ANKRD45: variants seen among roughly 807,000 people sequenced by gnomAD.
The protein encoded by ANKRD45 is ankyrin repeat domain-containing protein 45.
ANKRD45 carries 21 observed loss-of-function variants against 28.1 expected under a neutral mutation model. That is an observed-to-expected ratio of 0.75 (90% CI 0.53 to 1.08). The LOEUF (loss-of-function observed/expected upper bound fraction) is 1.08. Among genes scored for constraint, ANKRD45 ranks in the 50% least tolerant of loss-of-function variants. The pLI is 0.00. For missense variants in ANKRD45, 261 were observed against 308.7 expected (o/e 0.85, Z 1.16); for synonymous variants, 86 against 103.9 (o/e 0.83, Z 1.05).
At chr1:173,706,442 A>G in the ANKRD45 span, among the ~76,000 whole-genome samples, 121 of 151,636 alleles carry the variant, frequency 8.0e-4, no homozygotes, top group African/African-American at 2.7e-3. Context: ...AGGTTCAAGC[A>G]ATTCTCCTGC....
chr1:173,689,327 C>A, the ANKRD45 span, among the ~76,000 whole-genome samples: 1 of 152,150 alleles, frequency 6.6e-6, no homozygotes, highest in African/African-American at 2.4e-5. Context: ...AGGGTTCGGA[C>A]CCTTTATAGT....
At chr1:173,647,455 A>C (rs962616628) in intron 2 of ANKRD45, among the ~76,000 whole-genome samples, 2 of 152,208 alleles carry the variant, frequency 1.3e-5, no homozygotes, top group Non-Finnish European at 2.9e-5. Context: ...AAATTACTAC[A>C]ACTGTGTATA....
intron 5 of ANKRD45, among the ~76,000 whole-genome samples, chr1:173,624,313 C>G (rs1165150401): frequency 6.6e-6 from 1 of 151,638 alleles, no homozygotes; most frequent in African/African-American, 2.4e-5. Flanking sequence ...AGAAACATAG[C>G]AAGACCCTAT....
In ANKRD45 at chr1:173,659,411, G is replaced by A. The variant is rs766470541; in HGVS notation, c.8C>T (p.Ser3Leu). 6.5e-7 allele frequency: 1 copy of A among 1,549,994 alleles called. No homozygotes were observed. The highest frequency in any genetic ancestry group is 8.7e-7 in the Non-Finnish European group (1 of 1,152,466). Residue 3 changes from serine to leucine, a missense_variant, in exon 2 of 6, where the codon TCA becomes TTA. Coordinates refer to ENST00000333279, the MANE Select transcript of ANKRD45 (RefSeq NM_198493.3). ...ACTCTCTGACTCTGGAGGTCCTTCT[G>A]ACTCCATTAACTCCAAAAATACCTA... is the stretch of plus-strand genomic sequence containing the variant. Reference protein sequence around the residue: MESEGPPESESSE... With the variant: MELEGPPESESSE...
the ANKRD45 span, among the ~76,000 whole-genome samples, chr1:173,690,062 G>GCCCCCCCCC: frequency 1.9e-5 from 1 of 52,798 alleles, no homozygotes; most frequent in Non-Finnish European, 4.1e-5. Context: ...CCTGCCCCCC[G>GCCCCCCCCC]CCCCCCCCCC....
intron 5 of ANKRD45, among the ~76,000 whole-genome samples, chr1:173,612,251 A>G (rs1015283435): frequency 6.7e-6 from 1 of 149,856 alleles, no homozygotes; most frequent in Non-Finnish European, 1.5e-5. Context: ...TCTTAAAATG[A>G]AAGAAAGAAA....
the ANKRD45 span, among the ~76,000 whole-genome samples, chr1:173,707,274 A>G: frequency 6.7e-6 from 1 of 149,874 alleles, no homozygotes; most frequent in South Asian, 2.1e-4. Flanking sequence ...AATTTTTTTT[A>G]TGCAGTCAAA....
the ANKRD45 span, among the ~76,000 whole-genome samples, chr1:173,706,672 C>T: frequency 3.9e-5 from 6 of 152,238 alleles, no homozygotes; most frequent in Admixed American, 3.9e-4. Flanking sequence ...GCATAGTCCT[C>T]ATTATGTAGA....
intron 5 of ANKRD45, among the ~76,000 whole-genome samples, 166 bp from the exon 6 acceptor site, chr1:173,610,381 C>T (rs1297132457): frequency 6.6e-6 from 1 of 152,200 alleles, no homozygotes; most frequent in Non-Finnish European, 1.5e-5. Flanking sequence ...ATAGTCTCTC[C>T]TGTTCACTAT....
At chr1:173,697,153 A>G in the ANKRD45 span, among the ~76,000 whole-genome samples, 11,138 of 152,240 alleles carry the variant, frequency 0.073, 1,360 homozygotes, top group African/African-American at 0.25. Flanking sequence ...CCTCCAAGAA[A>G]TATGGGACTA....
intron 3 of ANKRD45, among the ~76,000 whole-genome samples, chr1:173,629,647 C>T (rs1334262441): frequency 1.3e-5 from 2 of 151,950 alleles, no homozygotes; most frequent in African/African-American, 2.4e-5. Context: ...CAATGAAGCA[C>T]TCCTATAAGA....
the ANKRD45 span, among the ~76,000 whole-genome samples, chr1:173,699,146 A>C: frequency 3.9e-5 from 6 of 152,128 alleles, no homozygotes; most frequent in African/African-American, 1.4e-4. Context: ...ACTGAATAGA[A>C]CAATAACAGG....
chr1:173,618,681 C>T lies in ANKRD45; in HGVS notation c.730+6106G>A, dbSNP rs116369520. On this transcript the variant is annotated intron_variant, in intron 5 of 5. Coordinates refer to ENST00000333279, the MANE Select transcript of ANKRD45 (RefSeq NM_198493.3). The stretch of plus-strand genomic sequence containing the variant: ...GACTGATTGGGGTACCTGAAAAAGA[C>T]GGGGAGAATAAAACCAAGTTGGAAA... Among the ~76,000 whole-genome samples, 654 of 152,226 alleles carry T rather than the reference C, an allele frequency of 4.3e-3. 5 individuals are homozygous for T. The highest frequency in any genetic ancestry group is 6.8e-3 in the Non-Finnish European group (463 of 67,996).
intron 4 of ANKRD45, 149 bp from the exon 5 acceptor site, chr1:173,625,074 T>C (rs301701): frequency 0.2 from 139,802 of 689,422 alleles, 16,482 homozygotes; most frequent in Non-Finnish European, 0.23. Flanking sequence ...CCATTAGATA[T>C]AAATAGCTAT....
At chr1:173,685,406 T>A in the ANKRD45 span, among the ~76,000 whole-genome samples, 12 of 152,226 alleles carry the variant, frequency 7.9e-5, no homozygotes, top group African/African-American at 2.6e-4. Flanking sequence ...GACTTATTAC[T>A]CCAGGCTGTA....
chr1:173,615,387 A>T (rs1667419570), intron 5 of ANKRD45, among the ~76,000 whole-genome samples: 1 of 150,802 alleles, frequency 6.6e-6, no homozygotes, highest in Admixed American at 6.6e-5. Context: ...CCGTCTCAAA[A>T]AAAAAAAAAA....
Position 173,646,596 on chromosome 1 carries a change from A to G in ANKRD45, c.496+250T>C, listed in dbSNP as rs530251707. On this transcript the variant is annotated intron_variant, in intron 3 of 5. Coordinates refer to ENST00000333279, the MANE Select transcript of ANKRD45 (RefSeq NM_198493.3). ...CTTCTTATAGAAATTATTTTCTCAT[A>G]GACAATTATTGGTGAGACAGAAGTT... Among the ~76,000 whole-genome samples the G allele has an allele frequency of 4.1e-4, 63 of 152,344 alleles. 1 individual carries two copies. In the South Asian group the frequency reaches 6.8e-3, roughly 17 times the overall value.
intron 1 of ANKRD45, among the ~76,000 whole-genome samples, chr1:173,664,436 A>G (rs72709377): frequency 0.031 from 4,777 of 152,294 alleles, 106 homozygotes; most frequent in Non-Finnish European, 0.045. Flanking sequence ...GGTCCCAGCC[A>G]TGAGACCTTG....
the ANKRD45 span, among the ~76,000 whole-genome samples, chr1:173,689,007 G>A: frequency 6.6e-6 from 1 of 152,180 alleles, no homozygotes; most frequent in African/African-American, 2.4e-5. Flanking sequence ...GACTAAAAAG[G>A]TGATAAGCTC....
Sources: allele counts gnomAD v4.1 joint callset (sites outside exome capture counted in the v4.1 genomes callset), GRCh38; gene constraint gnomAD v4.1.1; transcripts MANE v1.5; gene names NCBI Gene and HGNC (gene_info 2026-07-23, HGNC 2026-07-21).